Variants in CAMK1D observed in about 807,000 individuals in gnomAD.
The protein encoded by CAMK1D is calcium/calmodulin dependent protein kinase ID.
In CAMK1D, 9 loss-of-function variants were observed where a neutral mutation model predicts 47.7. The ratio of observed to expected loss-of-function variants is 0.19; its 90% CI spans 0.11 to 0.33. The LOEUF (loss-of-function observed/expected upper bound fraction) is 0.33. Ranked by LOEUF, CAMK1D falls within the 10% of genes least tolerant of loss-of-function variation. The probability of loss-of-function intolerance (pLI) is 1.00; values close to 1 mark genes in which losing one functional copy is unlikely to be tolerated. For synonymous variants in CAMK1D, 184 were observed against 184.9 expected (o/e 0.99, Z 0.04); for missense variants, 291 against 488.7 (o/e 0.60, Z 3.81).
At chr10:12,815,577 G>A (rs1263348485) in intron 7 of CAMK1D, among the ~76,000 whole-genome samples, 2 of 152,230 alleles carry the variant, frequency 1.3e-5, no homozygotes, top group Non-Finnish European at 2.9e-5. Flanking sequence ...GGGCATTGAG[G>A]GGCCGCACCC....
intron 3 of CAMK1D, among the ~76,000 whole-genome samples, chr10:12,686,989 G>A (rs1189616774): frequency 6.6e-6 from 1 of 152,070 alleles, no homozygotes; most frequent in Non-Finnish European, 1.5e-5. Context: ...ACAGCAGTGA[G>A]AGTCAGTTAT....
chr10:12,522,371 T>G (rs2768452), intron 1 of CAMK1D, among the ~76,000 whole-genome samples: 1 of 80,792 alleles, frequency 1.2e-5, no homozygotes, highest in Admixed American at 1.2e-4. Flanking sequence ...TGTCCCTGGG[T>G]ACTTAAGATT....
chr10:12,592,882 G>A (rs1040397109), intron 2 of CAMK1D, among the ~76,000 whole-genome samples: 3 of 152,146 alleles, frequency 2.0e-5, no homozygotes, highest in African/African-American at 7.2e-5. Flanking sequence ...AGAGTCCTCT[G>A]CTTAAAATCT....
intron 1 of CAMK1D, among the ~76,000 whole-genome samples, chr10:12,396,281 GT>G: frequency 6.6e-6 from 1 of 152,310 alleles, no homozygotes; most frequent in South Asian, 2.1e-4. Flanking sequence ...CGCTGCTGGT[GT>G]CCTGTCTTCT....
rs1840421673 is a variant in CAMK1D, at chr10:12,666,120, G to A, written c.225-616G>A. Among the ~76,000 whole-genome samples the A allele has an allele frequency of 3.3e-5, 5 of 152,064 alleles. No individual in the cohort carries two copies. The South Asian group carries it at 1.0e-3, about 32-fold the overall frequency. ...GCTGCCTGTTTGAGAACCACACTTTGAGTAGCACTGATCTAGTTTGCTTGG... is the reference window on the plus strand; with the variant it reads ...GCTGCCTGTTTGAGAACCACACTTTAAGTAGCACTGATCTAGTTTGCTTGG... On this transcript the variant is annotated intron_variant, in intron 2 of 10. Transcript: ENST00000619168.
At chr10:12,510,908 G>A (rs533453121) in intron 1 of CAMK1D, among the ~76,000 whole-genome samples, 1 of 152,300 alleles carries the variant, frequency 6.6e-6, no homozygotes, top group Non-Finnish European at 1.5e-5. Context: ...TCTTCAAGGC[G>A]GTCCCTGCTC....
rs1833396370 is a variant in CAMK1D, at chr10:12,830,370, A to G, written c.*1483A>G. ...AAGGAGAGGGGGCCCTGCCAGGCTA[A>G]TGGGACTTCAGCCACCACAGAGATG... On this transcript the variant is annotated 3_prime_UTR_variant, in exon 11 of 11. Coordinates refer to ENST00000619168, the MANE Select transcript of CAMK1D (RefSeq NM_153498.4). 6.6e-6 allele frequency: 1 copy of G among 152,168 alleles called. No homozygotes were observed. Among genetic ancestry groups the G allele is most frequent in the Non-Finnish European group, 1.5e-5 (1 of 68,090 alleles). The allele number at this position is 152,168 out of a possible 1,614,324, so 9.4% of individuals were successfully genotyped here. A position where few individuals can be genotyped will look rare whatever the true frequency, so the allele number is the denominator to read the frequency against.
At chr10:12,707,989 A>C (rs1288086349) in intron 3 of CAMK1D, among the ~76,000 whole-genome samples, 1 of 152,226 alleles carries the variant, frequency 6.6e-6, no homozygotes, top group Non-Finnish European at 1.5e-5. Flanking sequence ...CCTACGTGGA[A>C]TCCTATGATA....
rs546223485 is a variant in CAMK1D, at chr10:12,537,232, C to T, written c.93-15993C>T. 2.1e-4 allele frequency among the ~76,000 whole-genome samples: 32 copies of T among 152,148 alleles called. 1 individual carries two copies. The highest frequency in any genetic ancestry group is 1.5e-3 in the South Asian group (7 of 4,824). ...GATTACACATGTGTACCACTGTGCCCGGCTAATTTTTGTCTTTTTAGTAGA... is the reference window on the plus strand; with the variant it reads ...GATTACACATGTGTACCACTGTGCCTGGCTAATTTTTGTCTTTTTAGTAGA... On this transcript the variant is annotated intron_variant, in intron 1 of 10. Coordinates refer to ENST00000619168, the MANE Select transcript of CAMK1D (RefSeq NM_153498.4).
At chr10:12,443,053 C>T (rs1832827417) in intron 1 of CAMK1D, among the ~76,000 whole-genome samples, 1 of 152,090 alleles carries the variant, frequency 6.6e-6, no homozygotes, top group South Asian at 2.1e-4. Context: ...TTTCTTTATT[C>T]CATCTACATA....
At chr10:12,777,445 T>C (rs1175460747) in intron 5 of CAMK1D, among the ~76,000 whole-genome samples, 1 of 141,396 alleles carries the variant, frequency 7.1e-6, no homozygotes. Context: ...CGATCTCAGC[T>C]CACTGCAACC....
rs1389674221 is a variant in CAMK1D, at chr10:12,523,074, G to A, written c.93-30151G>A. Among the ~76,000 whole-genome samples, 218 of 151,818 alleles carry A rather than the reference G, an allele frequency of 1.4e-3. 5 individuals carry two copies. Among genetic ancestry groups the A allele is most frequent in the African/African-American group, 2.2e-4 (9 of 41,406 alleles). ...ACGCTCCTCACTTCTCAGTCGGGGC[G>A]GCTGCCGGGTGGAGGGGCTCCTCAC... On this transcript the variant is annotated intron_variant, in intron 1 of 10. Transcript: ENST00000619168.
intron 1 of CAMK1D, among the ~76,000 whole-genome samples, chr10:12,419,542 T>C (rs1181343480): frequency 6.6e-6 from 1 of 152,042 alleles, no homozygotes; most frequent in African/African-American, 2.4e-5. Context: ...GCTGTGGTTT[T>C]CTTAGTGCAT....
At chr10:12,709,669 A>G (rs1833863917) in intron 3 of CAMK1D, among the ~76,000 whole-genome samples, 1 of 152,198 alleles carries the variant, frequency 6.6e-6, no homozygotes, top group Non-Finnish European at 1.5e-5. Flanking sequence ...GTATAGCTGT[A>G]GGATTATGGA....
At chr10:12,608,677 C>G (rs1276840638) in intron 2 of CAMK1D, among the ~76,000 whole-genome samples, 1 of 152,228 alleles carries the variant, frequency 6.6e-6, no homozygotes, top group East Asian at 1.9e-4. Context: ...ATATGATAAA[C>G]AAGAACTTGT....
intron 1 of CAMK1D, among the ~76,000 whole-genome samples, chr10:12,477,072 G>A (rs913100727): frequency 6.6e-6 from 1 of 152,096 alleles, no homozygotes; most frequent in African/African-American, 2.4e-5. Context: ...TGGAGTCATC[G>A]CCAATGCCCG....
At chr10:12,406,627 G>A (rs1839435770) in intron 1 of CAMK1D, among the ~76,000 whole-genome samples, 1 of 142,630 alleles carries the variant, frequency 7.0e-6, no homozygotes, top group South Asian at 2.3e-4. Flanking sequence ...GGAGGCTGAG[G>A]CACAAGAATT....
At position 12,830,137 on chromosome 10, in the gene CAMK1D, A is replaced by C. The variant is rs1360307953; in HGVS notation, c.*1250A>C. 6.6e-6 allele frequency: 1 copy of C among 152,206 alleles called. No individual in the cohort carries two copies. Among genetic ancestry groups the C allele is most frequent in the East Asian group, 1.9e-4 (1 of 5,192 alleles). 9.4% of individuals were successfully genotyped at this position (152,206 alleles called of 1,614,324 possible). On this transcript the variant is annotated 3_prime_UTR_variant, in exon 11 of 11. Transcript: ENST00000619168. Reference sequence around the variant, plus strand: ...CCACACACAACCCTCATTTCTCACGAGAGCTAACAGATGAAAGCTCAGCTA... The same window carrying C: ...CCACACACAACCCTCATTTCTCACGCGAGCTAACAGATGAAAGCTCAGCTA...
chr10:12,791,366 C>T (rs1253372117), intron 6 of CAMK1D, 133 bp downstream of exon 6: 6 of 708,296 alleles, frequency 8.5e-6, no homozygotes, highest in Non-Finnish European at 1.5e-5. Context: ...TTTAAGGGTA[C>T]AGTTCAGTGG....
Sources: gnomAD v4.1 joint callset for allele counts (sites outside exome capture counted in the v4.1 genomes callset) on GRCh38, gnomAD v4.1.1 for gene constraint, MANE v1.5 for transcripts, NCBI Gene and HGNC (gene_info 2026-07-23, HGNC 2026-07-21) for gene names.